The following ABCC3 variants were observed in gnomAD, a reference collection of about 807,000 sequenced individuals.
ABCC3 encodes the protein ATP binding cassette subfamily C member 3, also known as ATP-binding cassette sub-family C member 3.
ABCC3 carries 121 observed loss-of-function variants against 165.3 expected under a neutral mutation model. The observed-to-expected ratio is 0.73, with a 90% CI of 0.63 to 0.85. ABCC3 has a LOEUF of 0.85. Ranked by LOEUF, ABCC3 falls within the 40% of genes least tolerant of loss-of-function variation. The pLI is 0.00. For missense variants in ABCC3, 1,869 were observed against 1,964.1 expected, an observed-to-expected ratio of 0.95 and a Z score of 0.92; for synonymous variants, 733 against 810.1, an observed-to-expected ratio of 0.90 and a Z score of 1.62.
At chr17:50,651,749 A>T (rs1183991566) in intron 1 of ABCC3, among the ~76,000 whole-genome samples, 1 of 152,204 alleles carries the variant, frequency 6.6e-6, no homozygotes, top group Non-Finnish European at 1.5e-5. Context: ...ACCTTCTGGT[A>T]TAGGAAGGAC....
In ABCC3 at chr17:50,684,793, G is replaced by T. The variant is rs756674865; in HGVS notation, c.4198G>T (p.Glu1400Ter). ...YSEEDIWWAL[E>*]LSHLHTFVSS... ...AGAGGAGGACATTTGGTGGGCTTTGGAGCTGTCCCACCTGCACACGTTTGT... is the reference window on the plus strand; with the variant it reads ...AGAGGAGGACATTTGGTGGGCTTTGTAGCTGTCCCACCTGCACACGTTTGT... Residue 1400 changes from glutamate (E) to a stop codon, truncating the protein, a stop_gained, in exon 29 of 31, where the codon GAG becomes TAG. Transcript: ENST00000285238. LOFTEE classifies it high-confidence loss of function. 1.2e-5 allele frequency: 19 copies of T among 1,614,138 alleles called. No homozygotes were observed. The highest frequency in any genetic ancestry group is 1.4e-5 in the Non-Finnish European group (17 of 1,180,038).
intron 8 of ABCC3, among the ~76,000 whole-genome samples, chr17:50,662,600 C>T (rs868424798): frequency 1.5e-4 from 22 of 148,028 alleles, no homozygotes; most frequent in Non-Finnish European, 2.5e-4. Context: ...ATGGCACCAC[C>T]GCACTCCAGT....
At chr17:50,684,550 A>C (rs1361635158) in intron 28 of ABCC3, among the ~76,000 whole-genome samples, 159 bp from the exon 29 acceptor site, 1 of 152,110 alleles carries the variant, frequency 6.6e-6, no homozygotes, top group Non-Finnish European at 1.5e-5. Flanking sequence ...ACTCCCCTAC[A>C]GGCAATTTTC....
At chr17:50,671,785 G>T (rs957569139) in intron 17 of ABCC3, among the ~76,000 whole-genome samples, 1 of 140,396 alleles carries the variant, frequency 7.1e-6, no homozygotes, top group African/African-American at 2.7e-5. Flanking sequence ...ACAGCGGCGT[G>T]ATCTTGGCTC....
In ABCC3 at chr17:50,655,127, G is replaced by A. The variant is rs1291704664; in HGVS notation, c.46-705G>A. On this transcript the variant is annotated intron_variant, in intron 1 of 30. Coordinates refer to ENST00000285238, the MANE Select transcript of ABCC3 (RefSeq NM_003786.4). ...AAAAAAAAAAAAAAAAAAGAGTGAGGGCCAGGCGCAGCCGTCACGCCTGTA... is the reference window on the plus strand; with the variant it reads ...AAAAAAAAAAAAAAAAAAGAGTGAGAGCCAGGCGCAGCCGTCACGCCTGTA... Among the ~76,000 whole-genome samples the A allele has an allele frequency of 1.8e-3, 3 of 1,680 alleles. No homozygotes were observed. In the East Asian group the frequency reaches 0.034, roughly 19 times the overall value. 1.1% of individuals were successfully genotyped at this position (1,680 alleles called of 152,430 possible).
chr17:50,678,746 C>G (rs1967877035), intron 25 of ABCC3, among the ~76,000 whole-genome samples: 1 of 152,168 alleles, frequency 6.6e-6, no homozygotes, highest in African/African-American at 2.4e-5. Context: ...CATGGTGAAA[C>G]CCTATCTCTA....
rs952235088 is a variant in ABCC3 at position 50,665,386 on chromosome 17, C to G, written c.1431+141C>G. On this transcript the variant is annotated intron_variant, in intron 11 of 30. Transcript: ENST00000285238. ...TACTAGCCATTTGCAGAAACCATAG[C>G]TCACTCTTCCCTCACAGCTCTCAGA... 6 of 679,630 alleles carry G rather than the reference C, an allele frequency of 8.8e-6. No individual in the cohort carries two copies. The African/African-American group carries it at 1.1e-4, about 12-fold the overall frequency. 42.1% of individuals were successfully genotyped at this position (679,630 alleles called of 1,614,324 possible).
At chr17:50,656,934 G>T in intron 3 of ABCC3, 107 bp downstream of exon 3, 4 of 1,547,318 alleles carry the variant, frequency 2.6e-6, no homozygotes, top group Middle Eastern at 3.8e-4. Flanking sequence ...TATTGGGAAT[G>T]GGAAGAAGAA....
intron 4 of ABCC3, among the ~76,000 whole-genome samples, chr17:50,657,736 T>C (rs1009117468): frequency 2.0e-4 from 31 of 152,304 alleles, no homozygotes; most frequent in African/African-American, 7.2e-4. Flanking sequence ...TTACTCCCCA[T>C]GTGGGCTCGG....
intron 22 of ABCC3, 48 bp from the exon 23 acceptor site, chr17:50,676,230 C>T (rs1286881722): frequency 1.3e-6 from 2 of 1,590,800 alleles, no homozygotes; most frequent in South Asian, 1.2e-5. Context: ...CCCCTTTGTG[C>T]CCGCTCACTA....
chr17:50,635,394 G>T (rs1179619837), intron 1 of ABCC3: 2 of 681,466 alleles, frequency 2.9e-6, no homozygotes, highest in Admixed American at 2.0e-5. Flanking sequence ...GTTAGGACTC[G>T]GTTGCCCACC....
chr17:50,664,096 C>G lies in ABCC3; in HGVS notation c.1323C>G (p.Ile441Met), dbSNP rs1339111305. 6.2e-7 allele frequency: 1 copy of G among 1,614,208 alleles called. No homozygotes were observed. Among genetic ancestry groups the G allele is most frequent in the Non-Finnish European group, 8.5e-7 (1 of 1,180,034 alleles). ...CACCCCTGCAGATCATCCTGGCGATCTACTTCCTCTGGCAGGTGACTCTCC... is the reference window on the plus strand; with the variant it reads ...CACCCCTGCAGATCATCCTGGCGATGTACTTCCTCTGGCAGGTGACTCTCC... Reference protein sequence around the residue: ...WSAPLQIILAIYFLWQNLGPS... With the variant: ...WSAPLQIILAMYFLWQNLGPS... The change falls in exon 10 of 31, where the codon ATC becomes ATG. Residue 441 changes from isoleucine to methionine, a missense_variant. Physicochemically the swap from Ile to Met is conservative, Grantham distance 10. Coordinates refer to ENST00000285238, the MANE Select transcript of ABCC3 (RefSeq NM_003786.4).
At chr17:50,653,828 T>C (rs577561851) in intron 1 of ABCC3, among the ~76,000 whole-genome samples, 1 of 151,604 alleles carries the variant, frequency 6.6e-6, no homozygotes, top group Non-Finnish European at 1.5e-5. Context: ...AAGTAGTACT[T>C]ACAGAGAGAA....
intron 1 of ABCC3, among the ~76,000 whole-genome samples, chr17:50,646,647 A>G (rs1303643417): frequency 6.6e-6 from 1 of 152,224 alleles, no homozygotes; most frequent in Non-Finnish European, 1.5e-5. Context: ...ATGGCCAGAA[A>G]GGAAGGGGAA....
At chr17:50,662,675 A>T (rs1458691052) in intron 8 of ABCC3, among the ~76,000 whole-genome samples, 1 of 149,314 alleles carries the variant, frequency 6.7e-6, no homozygotes, top group Non-Finnish European at 1.5e-5. Flanking sequence ...GAGAGACACC[A>T]GTCACTGGGC....
intron 17 of ABCC3, 65 bp from the exon 18 acceptor site, chr17:50,672,906 T>C: frequency 6.9e-7 from 1 of 1,458,370 alleles, no homozygotes; most frequent in Non-Finnish European, 9.3e-7. Context: ...CAAATAACAG[T>C]GGACAGGCCG....
chr17:50,691,483 T>C lies in ABCC3; in HGVS notation c.*283T>C, dbSNP rs1968122450. ...GTGTTATTTGCACACTGCACTGTTT[T>C]CAAATAACGATTTTATGAAATGACC... On this transcript the variant is annotated 3_prime_UTR_variant, in exon 31 of 31. Coordinates refer to ENST00000285238, the MANE Select transcript of ABCC3 (RefSeq NM_003786.4). The C allele has an allele frequency of 7.8e-6, 2 of 258,018 alleles. No individual in the cohort carries two copies. Among genetic ancestry groups the C allele is most frequent in the Non-Finnish European group, 1.5e-5 (2 of 132,652 alleles). The allele number at this position is 258,018 out of a possible 1,614,324, so 16.0% of individuals were successfully genotyped here. A position where few individuals can be genotyped will look rare whatever the true frequency, so the allele number is the denominator to read the frequency against.
intron 26 of ABCC3, among the ~76,000 whole-genome samples, chr17:50,682,976 G>A (rs1197187614): frequency 6.6e-6 from 1 of 152,118 alleles, no homozygotes; most frequent in African/African-American, 2.4e-5. Flanking sequence ...CTCCTAGGCA[G>A]GAGGATCCCT....
At chr17:50,658,690 C>T (rs1967312313) in intron 6 of ABCC3, 194 bp downstream of exon 6, 1 of 657,298 alleles carries the variant, frequency 1.5e-6, no homozygotes, top group South Asian at 1.8e-5. Context: ...TGGCCTGGCC[C>T]AGTGCCGCCC....
Sources: allele counts gnomAD v4.1 joint callset (sites outside exome capture counted in the v4.1 genomes callset), GRCh38; gene constraint gnomAD v4.1.1; transcripts MANE v1.5; gene names NCBI Gene and HGNC (gene_info 2026-07-23, HGNC 2026-07-21).